The following PIWIL2 variants were observed in gnomAD, a reference collection of about 807,000 sequenced individuals.
The protein encoded by PIWIL2 is piwi like RNA-mediated gene silencing 2.
In PIWIL2, 81 loss-of-function variants were observed where a neutral mutation model predicts 116.5. The ratio of observed to expected loss-of-function variants is 0.70; its 90% CI spans 0.58 to 0.84. PIWIL2 has a LOEUF of 0.84. Ranked by LOEUF, PIWIL2 falls within the 40% of genes least tolerant of loss-of-function variation. The pLI is 0.00. For synonymous variants in PIWIL2, 489 were observed against 429.5 expected (o/e 1.14, Z -1.71); for missense variants, 1,272 against 1,212.3 (o/e 1.05, Z -0.73).
chr8:22,329,364 T>C (rs751595753), intron 20 of PIWIL2, among the ~76,000 whole-genome samples: 1 of 152,206 alleles, frequency 6.6e-6, no homozygotes, highest in Non-Finnish European at 1.5e-5. Context: ...ACACGAAGCA[T>C]AATGCTGGCA....
chr8:22,315,180 C>A, intron 18 of PIWIL2, 35 bp downstream of exon 18: 2 of 1,147,850 alleles, frequency 1.7e-6, no homozygotes, highest in Non-Finnish European at 2.6e-6. Context: ...TTTGCCTCTC[C>A]AGAGAATCCT....
chr8:22,287,827 G>C (rs1377477857), intron 7 of PIWIL2, among the ~76,000 whole-genome samples, 182 bp downstream of exon 7: 1 of 152,174 alleles, frequency 6.6e-6, no homozygotes, highest in Non-Finnish European at 1.5e-5. Context: ...GTGTTTTGAG[G>C]GGTAGGAAAC....
In PIWIL2 at chr8:22,283,024, C is replaced by T; in HGVS notation, c.426-10C>T. 1 of 1,610,772 alleles carries T rather than the reference C, an allele frequency of 6.2e-7. No homozygotes were observed. The highest frequency in any genetic ancestry group is 8.5e-7 in the Non-Finnish European group (1 of 1,176,918). On this transcript the variant is annotated splice_polypyrimidine_tract_variant and intron_variant, in intron 4 of 22. Coordinates refer to ENST00000356766, the MANE Select transcript of PIWIL2 (RefSeq NM_018068.5). ...AAAAACCCTGATTTGCCTCTCTCTCCACATTTCAGGACGCTTGGAAGAGGG... is the reference window on the plus strand; with the variant it reads ...AAAAACCCTGATTTGCCTCTCTCTCTACATTTCAGGACGCTTGGAAGAGGG...
chr8:22,323,368 G>A (rs868145219), intron 20 of PIWIL2, among the ~76,000 whole-genome samples: 1 of 151,912 alleles, frequency 6.6e-6, no homozygotes, highest in African/African-American at 2.4e-5. Flanking sequence ...GGCTGGTCTC[G>A]AACTCCTGAC....
rs1832408959 is a variant in PIWIL2, at chr8:22,353,043, A to G, written c.2488A>G (p.Ile830Val). 1 of 1,614,012 alleles carries G rather than the reference A, an allele frequency of 6.2e-7. No individual in the cohort carries two copies. The highest frequency in any genetic ancestry group is 8.5e-7 in the Non-Finnish European group (1 of 1,179,984). ...ACTGAAGACAGTTGCCAACTATGAG[A>G]TTCCTCAACTACAGAAGTGTTTTGA... is the stretch of plus-strand genomic sequence containing the variant. ...GQLKTVANYE[I>V]PQLQKCFEAF... The change falls in exon 21 of 23, where the codon ATT becomes GTT. Residue 830 changes from isoleucine to valine, a missense_variant. Transcript: ENST00000356766.
Position 22,314,443 on chromosome 8 carries a change from G to A in PIWIL2, c.2091+14G>A, listed in dbSNP as rs1831405064. On this transcript the variant is annotated intron_variant, in intron 17 of 22. Transcript: ENST00000356766. Reference sequence around the variant, plus strand: ...GTGCCCTCCCAGGTGAGTGGGTGTTGGGGCAGGAGGCGCAGATGGCACCTC... The same window carrying A: ...GTGCCCTCCCAGGTGAGTGGGTGTTAGGGCAGGAGGCGCAGATGGCACCTC... The A allele has an allele frequency of 6.9e-7, 1 of 1,452,140 alleles. No individual in the cohort carries two copies. The highest frequency in any genetic ancestry group is 1.3e-5 in the South Asian group (1 of 77,042). The allele number at this position is 1,452,140 out of a possible 1,614,324, so 90.0% of individuals were successfully genotyped here.
intron 20 of PIWIL2, among the ~76,000 whole-genome samples, chr8:22,322,808 C>T (rs190280399): frequency 3.7e-4 from 56 of 149,836 alleles, no homozygotes; most frequent in Admixed American, 1.2e-3. Flanking sequence ...CCCAAAGTGC[C>T]GGGATTACAG....
Position 22,307,918 on chromosome 8 carries a change from T to G in PIWIL2, c.1546-15T>G. 6 of 1,579,974 alleles carry G rather than the reference T, an allele frequency of 3.8e-6. No individual in the cohort carries two copies. Among genetic ancestry groups the G allele is most frequent in the Non-Finnish European group, 4.3e-6 (5 of 1,156,710 alleles). ...AGTTATCTTTATAAGTTATCTTTAT[T>G]TTAATTCTGTTTAGGATTTGGCTCA... On this transcript the variant is annotated splice_polypyrimidine_tract_variant and intron_variant, in intron 13 of 22. Transcript: ENST00000356766.
chr8:22,276,715 A>G (rs899064620), intron 1 of PIWIL2, among the ~76,000 whole-genome samples: 3 of 152,154 alleles, frequency 2.0e-5, no homozygotes, highest in African/African-American at 7.2e-5. Flanking sequence ...AGCCTGGGCA[A>G]CATGGCAAGA....
rs568093026 is a variant in PIWIL2, at chr8:22,279,315, T to C, written c.-46-26T>C. The C allele has an allele frequency of 1.6e-5, 19 of 1,201,988 alleles. No individual in the cohort carries two copies. In the African/African-American group the frequency reaches 2.7e-4, roughly 17 times the overall value. The allele number at this position is 1,201,988 out of a possible 1,614,324, so 74.5% of individuals were successfully genotyped here. A position where few individuals can be genotyped will look rare whatever the true frequency, so the allele number is the denominator to read the frequency against. On this transcript the variant is annotated intron_variant, in intron 1 of 22. Transcript: ENST00000356766. ...GAAGGAAAAGGAAAACAATTGGGAA[T>C]CTTAATCTTTTGAAAATGATGGCAG...
At chr8:22,322,938 G>A (rs1831636466) in intron 20 of PIWIL2, among the ~76,000 whole-genome samples, 1 of 152,048 alleles carries the variant, frequency 6.6e-6, no homozygotes. Context: ...TGTTGTTTGA[G>A]GCAGAGTCTC....
chr8:22,316,254 A>G lies in PIWIL2; in HGVS notation c.2218A>G (p.Met740Val). 1 of 1,610,668 alleles carries G rather than the reference A, an allele frequency of 6.2e-7. No homozygotes were observed. Among genetic ancestry groups the G allele is most frequent in the South Asian group, 1.1e-5 (1 of 90,994 alleles). The part of the protein sequence containing the change: ...WGVDIPLKQL[M>V]VIGMDVYHDP... ...TTGTTTTCTAAACTAGAAACAGTTAATGGTGATCGGGATGGATGTTTACCA... is the reference window on the plus strand; with the variant it reads ...TTGTTTTCTAAACTAGAAACAGTTAGTGGTGATCGGGATGGATGTTTACCA... Residue 740 changes from methionine (M) to valine (V), a missense_variant, in exon 19 of 23, where the codon ATG becomes GTG. Coordinates refer to ENST00000356766, the MANE Select transcript of PIWIL2 (RefSeq NM_018068.5).
chr8:22,347,941 G>T (rs1832267528), intron 20 of PIWIL2, among the ~76,000 whole-genome samples: 2 of 151,990 alleles, frequency 1.3e-5, no homozygotes, highest in Admixed American at 1.3e-4. Flanking sequence ...AATATATTGA[G>T]GGCATTTATG....
intron 20 of PIWIL2, among the ~76,000 whole-genome samples, chr8:22,345,374 A>T (rs138779219): frequency 3.9e-5 from 6 of 152,320 alleles, no homozygotes; most frequent in Admixed American, 3.9e-4. Context: ...GAAATAATAC[A>T]AATGGGCCAG....
At position 22,283,154 on chromosome 8, in the gene PIWIL2, G is replaced by A. The variant is rs144736167; in HGVS notation, c.546G>A (p.Pro182=). ...CTFSTPSRGP[P]QLSSPPALPQ... ...TCAGCACACCGTCCCGGGGTCCCCC[G>A]CAGCTGTCATCACCACCAGCTCTGC... Residue 182 remains proline, a synonymous_variant, in exon 5 of 23, where the codon CCG becomes CCA. Coordinates refer to ENST00000356766, the MANE Select transcript of PIWIL2 (RefSeq NM_018068.5). The A allele has an allele frequency of 2.6e-5, 42 of 1,613,982 alleles. No homozygotes were observed. The highest frequency in any genetic ancestry group is 1.7e-4 in the Admixed American group (10 of 59,990).
At chr8:22,325,481 C>CTTTTTTTTTTTTTTTTTTTTT (rs749493740) in intron 20 of PIWIL2, among the ~76,000 whole-genome samples, 2 of 95,030 alleles carry the variant, frequency 2.1e-5, no homozygotes, top group South Asian at 4.1e-4. Flanking sequence ...TTGATTTAGT[C>CTTTTTTTTTTTTTTTTTTTTT]TTTTTTTTTT....
chr8:22,311,508 C>T (rs766147470), intron 16 of PIWIL2, among the ~76,000 whole-genome samples: 13 of 152,222 alleles, frequency 8.5e-5, no homozygotes, highest in Non-Finnish European at 1.5e-4. Context: ...CCCTCACTTA[C>T]TCTAGTCTTC....
chr8:22,336,471 A>G (rs1216306977), intron 20 of PIWIL2, among the ~76,000 whole-genome samples: 2 of 152,218 alleles, frequency 1.3e-5, no homozygotes, highest in African/African-American at 2.4e-5. Context: ...TATGGATGTA[A>G]GTAAAACAGT....
At chr8:22,316,134 C>T (rs781081567) in intron 18 of PIWIL2, 111 bp from the exon 19 acceptor site, 4 of 619,068 alleles carry the variant, frequency 6.5e-6, no homozygotes, top group South Asian at 1.9e-5. Context: ...AACTTACTTT[C>T]ATGTATAAAC....
Sources: gnomAD v4.1 joint callset for allele counts (sites outside exome capture counted in the v4.1 genomes callset) on GRCh38, gnomAD v4.1.1 for gene constraint, MANE v1.5 for transcripts, NCBI Gene and HGNC (gene_info 2026-07-23, HGNC 2026-07-21) for gene names.